The following CCDC180 variants were observed in gnomAD, a reference collection of about 807,000 sequenced individuals.
CCDC180 encodes the protein coiled-coil domain containing 180, also known as coiled-coil domain-containing protein 180.
CCDC180 carries 154 observed loss-of-function variants against 209.2 expected under a neutral mutation model. The ratio of observed to expected loss-of-function variants is 0.74; its 90% CI spans 0.65 to 0.84. The LOEUF is 0.84. Among genes scored for constraint, CCDC180 ranks in the 40% least tolerant of loss-of-function variants. CCDC180 has a pLI of 0.00. For synonymous variants in CCDC180, 778 were observed against 749.1 expected, an observed-to-expected ratio of 1.04 and a Z score of -0.63; for missense variants, 1,874 against 1,997.3, an observed-to-expected ratio of 0.94 and a Z score of 1.18.
In CCDC180 at chr9:97,375,479, G is replaced by C; in HGVS notation, c.4732G>C (p.Glu1578Gln). The C allele has an allele frequency of 6.2e-7, 1 of 1,614,128 alleles. No individual in the cohort carries two copies. Among genetic ancestry groups the C allele is most frequent in the Non-Finnish European group, 8.5e-7 (1 of 1,180,026 alleles). ...GAAGTGGCCAGGGATCAAACCCACCGAAGTCACCATCCAAAACAAGATTCT... is the reference window on the plus strand; with the variant it reads ...GAAGTGGCCAGGGATCAAACCCACCCAAGTCACCATCCAAAACAAGATTCT... ...SRKWPGIKPT[E>Q]VTIQNKILLQ... The change falls in exon 36 of 37, where the codon GAA (glutamate) becomes CAA (glutamine). Residue 1578 changes from glutamate to glutamine, a missense_variant. Coordinates refer to ENST00000529487, the MANE Select transcript of CCDC180 (RefSeq NM_020893.6).
chr9:97,338,492 T>A (rs144084646), intron 18 of CCDC180, among the ~76,000 whole-genome samples: 1 of 152,248 alleles, frequency 6.6e-6, no homozygotes, highest in Non-Finnish European at 1.5e-5. Flanking sequence ...TTCTTAATCC[T>A]GAGTTCTGAT....
At chr9:97,375,646 G>A (rs1191753397) in intron 36 of CCDC180, 57 bp downstream of exon 36, 9 of 1,606,132 alleles carry the variant, frequency 5.6e-6, no homozygotes, top group Non-Finnish European at 7.7e-6. Context: ...CGGCTGCCTT[G>A]GGAAGGGGGA....
Position 97,307,733 on chromosome 9 carries a change from C to A in CCDC180, c.-155C>A, listed in dbSNP as rs1184683098. 1 of 1,614,120 alleles carries A rather than the reference C, an allele frequency of 6.2e-7. No homozygotes were observed. The highest frequency in any genetic ancestry group is 8.5e-7 in the Non-Finnish European group (1 of 1,179,944). On this transcript the variant is annotated 5_prime_UTR_variant, in exon 1 of 37. Transcript: ENST00000529487. ...AATAATCCTGTATTATTCGCGTTCC[C>A]AGAGTCCCTTCGGATTTGCGCCATG...
intron 3 of CCDC180, among the ~76,000 whole-genome samples, chr9:97,310,714 GTA>G (rs1832955714): frequency 2.0e-5 from 3 of 152,120 alleles, no homozygotes; most frequent in Admixed American, 2.0e-4. Context: ...CCCTTGCTGA[GTA>G]TAGTTCTCTG....
chr9:97,372,173 T>G (rs1827119810), intron 34 of CCDC180: 1 of 152,540 alleles, frequency 6.6e-6, no homozygotes, highest in Non-Finnish European at 1.5e-5. Flanking sequence ...ACACATGCTC[T>G]TCAAAAGAGA....
intron 22 of CCDC180, among the ~76,000 whole-genome samples, chr9:97,351,527 C>T (rs1215991678): frequency 3.9e-5 from 6 of 152,078 alleles, no homozygotes; most frequent in Non-Finnish European, 7.4e-5. Flanking sequence ...TTTTGAAAGG[C>T]TATATTTATT....
chr9:97,323,646 A>C, intron 12 of CCDC180, 135 bp from the exon 13 acceptor site: 1 of 1,079,982 alleles, frequency 9.3e-7, no homozygotes. Context: ...TAAGGGGAAC[A>C]GAATTCATGG....
In CCDC180 at chr9:97,366,573, A is replaced by G; in HGVS notation, c.4062A>G (p.Lys1354=). The change falls in exon 31 of 37, where the codon AAA becomes AAG. Residue 1354 remains lysine, a synonymous_variant. Transcript: ENST00000529487. This position sits in a 1 kb window ranked among gnomAD's most constrained non-coding sequence, Gnocchi z 4.3. Reference sequence around the variant, plus strand: ...CTCTCTGGCAGGAGTTCTACCGTAAAGAAAAACGCCCAGTCACCAGGCCTG... The same window carrying G: ...CTCTCTGGCAGGAGTTCTACCGTAAGGAAAAACGCCCAGTCACCAGGCCTG... The part of the protein sequence containing the change: ...LLTVAEEFYR[K]EKRPVTRPDC... 3 of 1,614,156 alleles carry G rather than the reference A, an allele frequency of 1.9e-6. No homozygotes were observed. Among genetic ancestry groups the G allele is most frequent in the Non-Finnish European group, 2.5e-6 (3 of 1,180,002 alleles).
intron 8 of CCDC180, among the ~76,000 whole-genome samples, chr9:97,316,560 G>A (rs887287281): frequency 6.6e-6 from 1 of 152,200 alleles, no homozygotes; most frequent in Non-Finnish European, 1.5e-5. Flanking sequence ...TGCAATGGAG[G>A]ATCATCCCAC....
intron 22 of CCDC180, among the ~76,000 whole-genome samples, chr9:97,351,397 T>C (rs1454505628): frequency 2.0e-5 from 3 of 152,202 alleles, no homozygotes; most frequent in Admixed American, 1.3e-4. Context: ...TTGATTTGCA[T>C]TTCCCTGACG....
At chr9:97,336,740 A>C (rs1825915199) in intron 18 of CCDC180, among the ~76,000 whole-genome samples, 1 of 152,144 alleles carries the variant, frequency 6.6e-6, no homozygotes, top group Non-Finnish European at 1.5e-5. Context: ...TTGAATCTAT[A>C]AATTAACTTG....
chr9:97,319,321 A>G (rs1443343306), intron 10 of CCDC180, among the ~76,000 whole-genome samples: 1 of 152,192 alleles, frequency 6.6e-6, no homozygotes, highest in Non-Finnish European at 1.5e-5. Context: ...TTAAAAAAGA[A>G]TTTGGTGTCC....
chr9:97,334,569 C>T (rs1903632), intron 18 of CCDC180, among the ~76,000 whole-genome samples: 1 of 152,190 alleles, frequency 6.6e-6, no homozygotes, highest in African/African-American at 2.4e-5. Context: ...AGTACATACA[C>T]CTTTATGCTC....
chr9:97,320,094 G>C, intron 10 of CCDC180, 32 bp from the exon 11 acceptor site: 1 of 1,580,382 alleles, frequency 6.3e-7, no homozygotes, highest in Non-Finnish European at 8.7e-7. Flanking sequence ...GTTTGTTCCT[G>C]TGTGGCTTAC....
intron 31 of CCDC180, among the ~76,000 whole-genome samples, chr9:97,367,822 C>G (rs1260067848): frequency 6.6e-6 from 1 of 152,210 alleles, no homozygotes; most frequent in Non-Finnish European, 1.5e-5. Context: ...ATAACACCCA[C>G]CGCAGAAGGC....
intron 25 of CCDC180, among the ~76,000 whole-genome samples, chr9:97,359,243 C>A (rs148235193): frequency 7.7e-4 from 117 of 152,318 alleles, no homozygotes; most frequent in Middle Eastern, 3.4e-3. Context: ...TCTACCTCTC[C>A]AGAACAGAAA....
Position 97,324,050 on chromosome 9 carries a change from C to T in CCDC180, c.1371+147C>T. On this transcript the variant is annotated intron_variant, in intron 13 of 36. Coordinates refer to ENST00000529487, the MANE Select transcript of CCDC180 (RefSeq NM_020893.6). ...TTGTCAGCCCCTCTCAGAGTAGCCC[C>T]CTTACGCTGGCCACTCCAAGCTCAC... 3 of 951,258 alleles carry T rather than the reference C, an allele frequency of 3.2e-6. No individual in the cohort carries two copies. In the South Asian group the frequency reaches 5.1e-5, roughly 16 times the overall value. The allele number at this position is 951,258 out of a possible 1,614,324, so 58.9% of individuals were successfully genotyped here.
chr9:97,338,345 G>A (rs111859681), intron 18 of CCDC180, among the ~76,000 whole-genome samples: 1 of 152,210 alleles, frequency 6.6e-6, no homozygotes, highest in Admixed American at 6.5e-5. Context: ...GTGTCCCAGA[G>A]ATTCTGGTAC....
At chr9:97,354,449 C>A in intron 22 of CCDC180, 120 bp from the exon 23 acceptor site, 1 of 969,386 alleles carries the variant, frequency 1.0e-6, no homozygotes, top group Non-Finnish European at 1.6e-6. Flanking sequence ...GTTCATTTTC[C>A]CACATCTTGA....
Sources: allele counts gnomAD v4.1 joint callset (sites outside exome capture counted in the v4.1 genomes callset), GRCh38; gene constraint gnomAD v4.1.1; non-coding constraint Gnocchi (gnomAD v3.1); transcripts MANE v1.5; gene names NCBI Gene and HGNC (gene_info 2026-07-23, HGNC 2026-07-21).